The following SERF2 variants were observed in gnomAD, a reference collection of about 807,000 sequenced individuals.
The protein encoded by SERF2 is small EDRK-rich factor 2.
Under a neutral mutation model 10.7 loss-of-function variants are expected in SERF2, and 4 were observed. That is an observed-to-expected ratio of 0.37 (90% CI 0.18 to 0.86). The LOEUF (loss-of-function observed/expected upper bound fraction) is 0.86, where lower values mean the gene tolerates loss of function less well. SERF2 is among the 40% of genes least tolerant of loss of function. The pLI, the probability that SERF2 is intolerant of heterozygous loss-of-function variation, is 0.43. For missense variants in SERF2, 47 were observed against 79.1 expected (o/e 0.59, Z 1.54); for synonymous variants, 26 against 26.0 (o/e 1.00, Z 0.01).
chr15:43,787,656 C>G (rs978926047), upstream of SERF2, among the ~76,000 whole-genome samples: 2 of 152,002 alleles, frequency 1.3e-5, no homozygotes, highest in African/African-American at 4.8e-5. Flanking sequence ...CCTCAGCCTC[C>G]CAAAATGCTG....
At chr15:43,793,618 C>G (rs769462084) in intron 2 of SERF2, 92 bp from the exon 3 acceptor site, 1 of 1,609,594 alleles carries the variant, frequency 6.2e-7, no homozygotes, top group East Asian at 2.2e-5. Flanking sequence ...GTCCCATCCA[C>G]TTCCATCTTA....
chr15:43,788,516 C>T (rs2087026123), upstream of SERF2, among the ~76,000 whole-genome samples: 1 of 152,188 alleles, frequency 6.6e-6, no homozygotes, highest in Non-Finnish European at 1.5e-5. Context: ...GGGTCTCATT[C>T]TGTCACCCAG....
At position 43,795,726 on chromosome 15, in the gene SERF2, A is replaced by G. The variant is rs758439676; in HGVS notation, c.*1953A>G. On this transcript the variant is annotated 3_prime_UTR_variant, in exon 3 of 3. Transcript: ENST00000249786. ...CACTGTTTCAGGGCAGCAGAAACAC[A>G]GTGAGGGCTTCTGCAAAACAGAACG... 1 of 1,613,958 alleles carries G rather than the reference A, an allele frequency of 6.2e-7. No individual in the cohort carries two copies. The highest frequency in any genetic ancestry group is 1.1e-5 in the South Asian group (1 of 91,060).
At chr15:43,787,437 G>T (rs567313045), upstream of SERF2, among the ~76,000 whole-genome samples, 4 of 152,176 alleles carry the variant, frequency 2.6e-5, no homozygotes, top group Non-Finnish European at 5.9e-5. Flanking sequence ...CACTCTTGCT[G>T]CCCAGGCTGG....
In SERF2 at chr15:43,793,991, G is replaced by C. The variant is rs750154803; in HGVS notation, c.*218G>C. The C allele has an allele frequency of 3.3e-6, 5 of 1,499,176 alleles. No individual in the cohort carries two copies. Among genetic ancestry groups the C allele is most frequent in the South Asian group, 2.5e-5 (2 of 79,560 alleles). 92.9% of individuals were successfully genotyped at this position (1,499,176 alleles called of 1,614,324 possible). On this transcript the variant is annotated 3_prime_UTR_variant, in exon 3 of 3. Transcript: ENST00000249786. ...GGGGTGAGGGGGTTACCCCTTCCCA[G>C]TGTTTTTTATTCCTGTGGGGCTCAC...
chr15:43,792,292 C>T (rs1046326888), upstream of SERF2: 20 of 1,192,546 alleles, frequency 1.7e-5, no homozygotes, highest in African/African-American at 3.0e-4. Context: ...AACGACTGTG[C>T]TACGTTGCCA....
chr15:43,791,105 GCT>G (rs1332180676), upstream of SERF2, among the ~76,000 whole-genome samples: 2 of 150,516 alleles, frequency 1.3e-5, no homozygotes, highest in East Asian at 3.9e-4. Flanking sequence ...ATGCAGTCTC[GCT>G]CTGTCGCCCA....
chr15:43,794,134 G>GA lies in SERF2; in HGVS notation c.*362dup. On this transcript the variant is annotated 3_prime_UTR_variant, in exon 3 of 3. Coordinates refer to ENST00000249786, the MANE Select transcript of SERF2 (RefSeq NM_001018108.4). ...CCACCAAAAAAGGGAGAACTCTTTA[G>GA]ATTCAGATTGTGGGTATGTAGACTT... The GA allele has an allele frequency of 1.5e-6, 1 of 651,778 alleles. No individual in the cohort carries two copies. Among genetic ancestry groups the GA allele is most frequent in the Non-Finnish European group, 2.6e-6 (1 of 391,062 alleles). The allele number at this position is 651,778 out of a possible 1,614,324, so 40.4% of individuals were successfully genotyped here. A position where few individuals can be genotyped will look rare whatever the true frequency, so the allele number is the denominator to read the frequency against.
upstream of SERF2, among the ~76,000 whole-genome samples, chr15:43,790,366 TAGAG>T (rs995772191): frequency 6.6e-6 from 1 of 151,444 alleles, no homozygotes; most frequent in Non-Finnish European, 1.5e-5. Context: ...ATATGGATAT[TAGAG>T]AGAGAGAGGC....
chr15:43,796,084 T>G, downstream of SERF2: 1 of 1,110,228 alleles, frequency 9.0e-7, no homozygotes, highest in Non-Finnish European at 1.4e-6. Flanking sequence ...TGGGTAGAGG[T>G]TGGTAGGATG....
intron 2 of SERF2, among the ~76,000 whole-genome samples, chr15:43,786,434 A>AT (rs58518347): frequency 2.7e-4 from 41 of 150,802 alleles, no homozygotes; most frequent in African/African-American, 9.7e-4. Flanking sequence ...AAAAAAAAAA[A>AT]GCTGGTTGAC....
In SERF2 at chr15:43,786,776, C is replaced by T. The variant is rs532174651; in HGVS notation, c.-402+1242C>T. Among the ~76,000 whole-genome samples, 3 of 152,296 alleles carry T rather than the reference C, an allele frequency of 2.0e-5. No individual in the cohort carries two copies. In the East Asian group the frequency reaches 5.8e-4, roughly 29 times the overall value. On this transcript the variant is annotated intron_variant, in intron 2 of 4. Coordinates refer to the SERF2 transcript ENST00000381359. The stretch of plus-strand genomic sequence containing the variant: ...GCTACTCATTTGCTTCAACCTAAGG[C>T]TGGCTCTCTTCTAGGTGATAGACTA...
intron 2 of SERF2, among the ~76,000 whole-genome samples, chr15:43,786,125 C>G (rs1201989186): frequency 6.6e-6 from 1 of 151,786 alleles, no homozygotes; most frequent in East Asian, 1.9e-4. Flanking sequence ...CACTAAAAAG[C>G]TGGTTGAAGG....
At position 43,793,868 on chromosome 15, in the gene SERF2, C is replaced by T; in HGVS notation, c.*95C>T. 1.2e-6 allele frequency: 2 copies of T among 1,611,486 alleles called. No individual in the cohort carries two copies. The highest frequency in any genetic ancestry group is 8.5e-7 in the Non-Finnish European group (1 of 1,178,696). ...GTTTCCTCCTGTAGTGCTCACAGGT[C>T]CCAGCACCGATGGCATTCCCTTTGC... is the stretch of plus-strand genomic sequence containing the variant. On this transcript the variant is annotated 3_prime_UTR_variant, in exon 3 of 3. Coordinates refer to ENST00000249786, the MANE Select transcript of SERF2 (RefSeq NM_001018108.4).
intron 1 of SERF2, among the ~76,000 whole-genome samples, chr15:43,784,709 G>A (rs1397722036): frequency 6.6e-6 from 1 of 151,838 alleles, no homozygotes; most frequent in Non-Finnish European, 1.5e-5. Flanking sequence ...GCCTGCCTCA[G>A]CCTCCCAAAG....
At chr15:43,780,792 T>C (rs2086958422) in intron 1 of SERF2, among the ~76,000 whole-genome samples, 1 of 152,158 alleles carries the variant, frequency 6.6e-6, no homozygotes, top group Non-Finnish European at 1.5e-5. Context: ...GCCTTTTCTG[T>C]CTTAATTAAG....
intron 2 of SERF2, among the ~76,000 whole-genome samples, chr15:43,786,881 GAAA>G (rs1009653637): frequency 6.6e-6 from 1 of 151,952 alleles, no homozygotes; most frequent in African/African-American, 2.4e-5. Context: ...CCTAGCAATG[GAAA>G]AAAAGTCCTT....
At chr15:43,782,217 A>G (rs556006614) in intron 1 of SERF2, among the ~76,000 whole-genome samples, 1 of 152,126 alleles carries the variant, frequency 6.6e-6, no homozygotes, top group African/African-American at 2.4e-5. Context: ...TGAGGATTTA[A>G]CTCTCATCTG....
chr15:43,792,549 C>T lies in SERF2; in HGVS notation c.7+166C>T, dbSNP rs551710041. Reference sequence around the variant, plus strand: ...GTGCCCGGAAATCGAGCCCTTTGCCCACGGCTACTTCACGGGACCACCCTC... The same window carrying T: ...GTGCCCGGAAATCGAGCCCTTTGCCTACGGCTACTTCACGGGACCACCCTC... On this transcript the variant is annotated intron_variant, in intron 1 of 2. Coordinates refer to ENST00000249786, the MANE Select transcript of SERF2 (RefSeq NM_001018108.4). The T allele has an allele frequency of 5.3e-6, 8 of 1,497,612 alleles. No homozygotes were observed. In the South Asian group the frequency reaches 7.6e-5, roughly 14 times the overall value. The allele number at this position is 1,497,612 out of a possible 1,614,324, so 92.8% of individuals were successfully genotyped here.
Sources: allele counts gnomAD v4.1 joint callset (sites outside exome capture counted in the v4.1 genomes callset), GRCh38; gene constraint gnomAD v4.1.1; transcripts MANE v1.5; gene names NCBI Gene and HGNC (gene_info 2026-07-23, HGNC 2026-07-21).